MARCHF8: variants seen among roughly 807,000 people sequenced by gnomAD.
MARCHF8 encodes the protein E3 ubiquitin-protein ligase MARCHF8.
In MARCHF8, 40 loss-of-function variants were observed where a neutral mutation model predicts 51.6. That is an observed-to-expected ratio of 0.77 (90% CI 0.60 to 1.01). The LOEUF (loss-of-function observed/expected upper bound fraction) is 1.01. Among genes scored for constraint, MARCHF8 ranks in the 50% least tolerant of loss-of-function variants. The probability of loss-of-function intolerance (pLI) is 0.00; values close to 1 mark genes in which losing one functional copy is unlikely to be tolerated. For missense variants in MARCHF8, 685 were observed against 708.6 expected (o/e 0.97, Z 0.38); for synonymous variants, 263 against 280.3 (o/e 0.94, Z 0.62).
At chr10:45,522,463 C>CG (rs1186491810) in intron 2 of MARCHF8, among the ~76,000 whole-genome samples, 1 of 152,214 alleles carries the variant, frequency 6.6e-6, no homozygotes, top group Admixed American at 6.5e-5. Context: ...CAGACATCTA[C>CG]ACACCTTGGG....
chr10:45,560,051 G>A (rs745595216), intron 1 of MARCHF8, among the ~76,000 whole-genome samples: 1 of 151,938 alleles, frequency 6.6e-6, no homozygotes, highest in Non-Finnish European at 1.5e-5. Context: ...AGGCTAATTA[G>A]GTAAGCTGGC....
chr10:45,590,833 GC>G (rs1374434921), intron 1 of MARCHF8, among the ~76,000 whole-genome samples: 2 of 152,294 alleles, frequency 1.3e-5, no homozygotes, highest in Non-Finnish European at 2.9e-5. Flanking sequence ...AGACTGTCAG[GC>G]CTGAGCCCAA....
chr10:45,463,380 G>A lies in MARCHF8; in HGVS notation c.859C>T (p.Leu287=). Residue 287 remains leucine, a synonymous_variant, in exon 5 of 8, where the codon CTG becomes TTG. Transcript: ENST00000453424. ...FHELESCAAR[L]HTAKSSSGLA... ...CCGCTGGAGGACTTGGCAGTGTGCA[G>A]GCGAGCAGCGCAGCTCTCCAGCTCA... The A allele has an allele frequency of 6.4e-7, 1 of 1,550,736 alleles. No individual in the cohort carries two copies. The highest frequency in any genetic ancestry group is 8.7e-7 in the Non-Finnish European group (1 of 1,147,018).
At chr10:45,539,050 T>C (rs945461956), upstream of MARCHF8, among the ~76,000 whole-genome samples, 8 of 152,282 alleles carry the variant, frequency 5.3e-5, no homozygotes, top group Middle Eastern at 3.4e-3. Flanking sequence ...TATTCCAAAA[T>C]TGACCACATA....
At chr10:45,458,622 A>G in intron 7 of MARCHF8, 79 bp from the exon 8 acceptor site, 3 of 1,361,012 alleles carry the variant, frequency 2.2e-6, no homozygotes, top group Non-Finnish European at 2.0e-6. Flanking sequence ...AACTTCCCAT[A>G]ATCAACTGAT....
intron 2 of MARCHF8, among the ~76,000 whole-genome samples, chr10:45,507,608 T>C (rs551748584): frequency 7.2e-5 from 11 of 152,258 alleles, no homozygotes; most frequent in South Asian, 2.1e-4. Flanking sequence ...CATTAAGCCA[T>C]TCATGAGGGA....
At chr10:45,482,765 C>A (rs900640488) in intron 3 of MARCHF8, among the ~76,000 whole-genome samples, 2 of 151,234 alleles carry the variant, frequency 1.3e-5, no homozygotes, top group Admixed American at 6.6e-5. Context: ...AAAAAACAAA[C>A]AAACAACAAC....
chr10:45,487,314 G>A (rs1007624820), intron 3 of MARCHF8, among the ~76,000 whole-genome samples: 1 of 152,056 alleles, frequency 6.6e-6, no homozygotes, highest in Non-Finnish European at 1.5e-5. Context: ...ATAGGAAGAA[G>A]TTTCCTTTAA....
At chr10:45,586,640 A>G (rs979608157) in intron 1 of MARCHF8, among the ~76,000 whole-genome samples, 2 of 152,124 alleles carry the variant, frequency 1.3e-5, no homozygotes, top group African/African-American at 4.8e-5. Flanking sequence ...AACACTTGGT[A>G]TTGTTAGTCT....
chr10:45,471,153 T>C (rs901037963), intron 3 of MARCHF8, among the ~76,000 whole-genome samples: 9 of 152,248 alleles, frequency 5.9e-5, no homozygotes, highest in Non-Finnish European at 1.3e-4. Context: ...ATATCCATTA[T>C]AAATGACTCT....
rs561569551 is a variant in MARCHF8 at position 45,571,359 on chromosome 10, G to T, written c.-79+22876C>A. 1.4e-3 allele frequency among the ~76,000 whole-genome samples: 213 copies of T among 152,074 alleles called. 1 individual carries two copies. The highest frequency in any genetic ancestry group is 2.5e-3 in the Non-Finnish European group (168 of 67,980). Reference sequence around the variant, plus strand: ...ATCCTGGCTCAAAAGCTCCCCCACTGAGCACCTTGTGACCCCGACCCCTGC... The same window carrying T: ...ATCCTGGCTCAAAAGCTCCCCCACTTAGCACCTTGTGACCCCGACCCCTGC... On this transcript the variant is annotated intron_variant, in intron 1 of 6. Coordinates refer to the MARCHF8 transcript ENST00000319836.
At chr10:45,549,758 G>A (rs1299538148) in intron 1 of MARCHF8, among the ~76,000 whole-genome samples, 2 of 152,144 alleles carry the variant, frequency 1.3e-5, no homozygotes, top group African/African-American at 2.4e-5. Context: ...CATGGGAGTG[G>A]GTTCCTAACA....
In MARCHF8 at chr10:45,512,533, C is replaced by A. The variant is rs558646182; in HGVS notation, c.102+20577G>T. Among the ~76,000 whole-genome samples the A allele has an allele frequency of 3.4e-4, 50 of 148,906 alleles. No individual in the cohort carries two copies. In the South Asian group the frequency reaches 5.1e-3, roughly 15 times the overall value. ...GTCCGGGAGGTGAGGGGCGCCTCTG[C>A]CCGGCCGCTCCTACTGGGAAGTGAG... On this transcript the variant is annotated intron_variant, in intron 2 of 7. Transcript: ENST00000453424.
At chr10:45,517,371 T>C (rs2133223036) in intron 2 of MARCHF8, among the ~76,000 whole-genome samples, 1 of 152,308 alleles carries the variant, frequency 6.6e-6, no homozygotes, top group East Asian at 1.9e-4. Flanking sequence ...TTGCCAATGT[T>C]GGAGGTGTGA....
At chr10:45,576,571 T>C (rs1006446525) in intron 1 of MARCHF8, among the ~76,000 whole-genome samples, 2 of 152,066 alleles carry the variant, frequency 1.3e-5, no homozygotes, top group Non-Finnish European at 1.5e-5. Flanking sequence ...TGTTAATATA[T>C]GTGTGTATAC....
At chr10:45,485,573 C>T (rs1321267893) in intron 3 of MARCHF8, among the ~76,000 whole-genome samples, 2 of 152,202 alleles carry the variant, frequency 1.3e-5, no homozygotes, top group African/African-American at 4.8e-5. Context: ...TCCAACCTAC[C>T]TGCTTCCTTC....
intron 3 of MARCHF8, among the ~76,000 whole-genome samples, chr10:45,468,406 C>G (rs745352553): frequency 1.3e-5 from 2 of 152,248 alleles, no homozygotes; most frequent in African/African-American, 4.8e-5. Context: ...TACTGCCCAG[C>G]CTCCTCTATT....
At chr10:45,473,972 A>G (rs2042741199) in intron 3 of MARCHF8, among the ~76,000 whole-genome samples, 1 of 152,148 alleles carries the variant, frequency 6.6e-6, no homozygotes, top group Non-Finnish European at 1.5e-5. Context: ...CTCCTGAGCC[A>G]CATCTTCTCT....
intron 1 of MARCHF8, among the ~76,000 whole-genome samples, chr10:45,591,146 C>T (rs2044676214): frequency 6.6e-6 from 1 of 152,120 alleles, no homozygotes; most frequent in African/African-American, 2.4e-5. Context: ...AATGATAATC[C>T]ACCACCCTTT....
Sources: allele counts gnomAD v4.1 joint callset (sites outside exome capture counted in the v4.1 genomes callset), GRCh38; gene constraint gnomAD v4.1.1; transcripts MANE v1.5; gene names NCBI Gene and HGNC (gene_info 2026-07-23, HGNC 2026-07-21).